GPC5: variants seen among roughly 807,000 people sequenced by gnomAD.
GPC5 encodes the protein glypican-5.
In GPC5, 47 loss-of-function variants were observed where a neutral mutation model predicts 53.9. That is an observed-to-expected ratio of 0.87 (90% CI 0.69 to 1.11). The LOEUF (loss-of-function observed/expected upper bound fraction) is 1.11. GPC5 is among the 50% of genes most tolerant of loss of function. GPC5 has a pLI of 0.00. For missense variants in GPC5, 748 were observed against 713.1 expected (o/e 1.05, Z -0.56); for synonymous variants, 286 against 263.3 (o/e 1.09, Z -0.84).
intron 2 of GPC5, among the ~76,000 whole-genome samples, chr13:91,633,580 T>A (rs1244856953): frequency 6.6e-6 from 1 of 152,182 alleles, no homozygotes; most frequent in Non-Finnish European, 1.5e-5. Flanking sequence ...GGAAGACAAC[T>A]CAGGTTGGAG....
At chr13:91,536,892 C>T (rs967875651) in intron 2 of GPC5, among the ~76,000 whole-genome samples, 6 of 152,144 alleles carry the variant, frequency 3.9e-5, no homozygotes, top group Non-Finnish European at 5.9e-5. Context: ...ATCAATAACA[C>T]GGGACAGTTT....
intron 7 of GPC5, among the ~76,000 whole-genome samples, chr13:92,737,583 T>C (rs1888970101): frequency 6.6e-6 from 1 of 152,038 alleles, no homozygotes; most frequent in South Asian, 2.1e-4. Context: ...ACAAAGTGTT[T>C]TTCTTCATTT....
At chr13:92,506,061 C>G (rs1009367490) in intron 7 of GPC5, among the ~76,000 whole-genome samples, 1 of 152,032 alleles carries the variant, frequency 6.6e-6, no homozygotes, top group African/African-American at 2.4e-5. Context: ...AGCATGGGCA[C>G]AGGAGAGAAT....
chr13:92,738,987 C>A (rs925713200), intron 7 of GPC5, among the ~76,000 whole-genome samples: 1 of 152,014 alleles, frequency 6.6e-6, no homozygotes, highest in African/African-American at 2.4e-5. Flanking sequence ...TCGGTCCTTG[C>A]CTTGTCATAA....
intron 5 of GPC5, among the ~76,000 whole-genome samples, chr13:91,788,741 A>C (rs1486498450): frequency 6.6e-6 from 1 of 152,216 alleles, no homozygotes; most frequent in Non-Finnish European, 1.5e-5. Context: ...TGTTAAGTGT[A>C]TAAATAGAGG....
intron 6 of GPC5, among the ~76,000 whole-genome samples, chr13:91,947,558 A>G (rs954649518): frequency 6.6e-6 from 1 of 152,220 alleles, no homozygotes; most frequent in African/African-American, 2.4e-5. Flanking sequence ...AAGAAGCATG[A>G]CATTTTAATC....
chr13:92,475,128 G>A (rs1337195535), intron 7 of GPC5, among the ~76,000 whole-genome samples: 1 of 152,074 alleles, frequency 6.6e-6, no homozygotes, highest in African/African-American at 2.4e-5. Flanking sequence ...GTTGAAGTCA[G>A]GTAGTGTGAT....
intron 5 of GPC5, among the ~76,000 whole-genome samples, chr13:91,834,183 T>C (rs1469148500): frequency 2.0e-5 from 3 of 152,036 alleles, no homozygotes; most frequent in Non-Finnish European, 2.9e-5. Flanking sequence ...GAATTCAACT[T>C]ACAAGGGATG....
At chr13:92,610,815 G>A (rs1292970280) in intron 7 of GPC5, among the ~76,000 whole-genome samples, 1 of 151,850 alleles carries the variant, frequency 6.6e-6, no homozygotes, top group South Asian at 2.1e-4. Flanking sequence ...AAAACCATCC[G>A]ATTTCATGGG....
intron 2 of GPC5, among the ~76,000 whole-genome samples, chr13:91,478,848 T>TTATA (rs1264695958): frequency 6.0e-5 from 6 of 99,436 alleles, no homozygotes; most frequent in Admixed American, 3.2e-4. Context: ...TATATACACA[T>TTATA]TATATATATA....
chr13:91,892,827 C>T (rs1201712062), intron 5 of GPC5, among the ~76,000 whole-genome samples: 2 of 151,880 alleles, frequency 1.3e-5, no homozygotes, highest in Non-Finnish European at 2.9e-5. Context: ...TAATTCAACA[C>T]AACAAAACTT....
intron 7 of GPC5, among the ~76,000 whole-genome samples, chr13:92,433,515 T>C (rs1877180855): frequency 6.6e-6 from 1 of 152,162 alleles, no homozygotes; most frequent in African/African-American, 2.4e-5. Context: ...GAGCTAGTGT[T>C]GTAATTGGAG....
chr13:92,506,737 T>C (rs1427939966), intron 7 of GPC5, among the ~76,000 whole-genome samples: 1 of 152,210 alleles, frequency 6.6e-6, no homozygotes, highest in Admixed American at 6.5e-5. Flanking sequence ...GGTGATTCAT[T>C]TGGAATCTTC....
At chr13:92,662,290 A>G (rs1886373764) in intron 7 of GPC5, among the ~76,000 whole-genome samples, 1 of 152,184 alleles carries the variant, frequency 6.6e-6, no homozygotes, top group Non-Finnish European at 1.5e-5. Flanking sequence ...TTAAATTTTC[A>G]ATTGCAATAT....
chr13:92,388,417 G>T (rs2139320349), intron 7 of GPC5, among the ~76,000 whole-genome samples: 1 of 152,140 alleles, frequency 6.6e-6, no homozygotes, highest in East Asian at 1.9e-4. Flanking sequence ...TGAAGTGATT[G>T]TGACCCACTC....
At chr13:92,811,806 A>G (rs1213100620) in intron 7 of GPC5, among the ~76,000 whole-genome samples, 2 of 151,952 alleles carry the variant, frequency 1.3e-5, no homozygotes, top group Non-Finnish European at 2.9e-5. Context: ...AATGTTCAAC[A>G]TCATACTTTT....
In GPC5 at chr13:92,866,389, A is replaced by G. The variant is rs1270594446; in HGVS notation, c.1669A>G (p.Met557Val). The G allele has an allele frequency of 1.9e-6, 3 of 1,612,292 alleles. No individual in the cohort carries two copies. Among genetic ancestry groups the G allele is most frequent in the Admixed American group, 3.3e-5 (2 of 59,870 alleles). ...AGGATGTGCAGTGGCGACTGAATCT[A>G]TGACATTCACTCTGATAAGTGTGGT... ...GAGCAVATESMTFTLISVVML... is the reference protein window; with the variant it reads ...GAGCAVATESVTFTLISVVML... The change falls in exon 8 of 8, where the codon ATG becomes GTG. Residue 557 changes from methionine to valine, a missense_variant. By Grantham distance (21) the Met-to-Val change is conservative (BLOSUM62 1). Coordinates refer to ENST00000377067, the MANE Select transcript of GPC5 (RefSeq NM_004466.6).
intron 6 of GPC5, among the ~76,000 whole-genome samples, chr13:92,118,691 TA>T (rs2041620167): frequency 6.6e-6 from 1 of 152,182 alleles, no homozygotes; most frequent in South Asian, 2.1e-4. Flanking sequence ...TCACTATTGG[TA>T]TTTTGATTTT....
chr13:92,617,903 G>A (rs540501966), intron 7 of GPC5, among the ~76,000 whole-genome samples: 1 of 152,208 alleles, frequency 6.6e-6, no homozygotes, highest in South Asian at 2.1e-4. Context: ...TGTTACATAT[G>A]TATACATGTG....
Sources: gnomAD v4.1 joint callset for allele counts (sites outside exome capture counted in the v4.1 genomes callset) on GRCh38, gnomAD v4.1.1 for gene constraint, MANE v1.5 for transcripts, NCBI Gene and HGNC (gene_info 2026-07-23, HGNC 2026-07-21) for gene names.